Variants in THBS2 observed in about 807,000 individuals in gnomAD.
The protein encoded by THBS2 is thrombospondin 2.
THBS2 carries 47 observed loss-of-function variants against 135.2 expected under a neutral mutation model. The observed-to-expected ratio is 0.35, with a 90% CI of 0.28 to 0.44. The LOEUF (loss-of-function observed/expected upper bound fraction) is 0.44. Ranked by LOEUF, THBS2 falls within the 20% of genes least tolerant of loss-of-function variation. The probability of loss-of-function intolerance (pLI) is 1.00; values close to 1 mark genes in which losing one functional copy is unlikely to be tolerated. For missense variants in THBS2, 1,288 were observed against 1,603.1 expected (o/e 0.80, Z 3.36); for synonymous variants, 639 against 633.8 (o/e 1.01, Z -0.12).
At chr6:169,235,069 G>A (rs752448466) in intron 9 of THBS2, among the ~76,000 whole-genome samples, 162 bp from the exon 10 acceptor site, 16 of 152,160 alleles carry the variant, frequency 1.1e-4, no homozygotes, top group East Asian at 5.8e-4. Flanking sequence ...GAGCGTGATC[G>A]CACCACTACG....
At position 169,237,304 on chromosome 6, in the gene THBS2, G is replaced by A; in HGVS notation, c.1343C>T (p.Ser448Leu). 2 of 1,613,460 alleles carry A rather than the reference G, an allele frequency of 1.2e-6. No individual in the cohort carries two copies. Among genetic ancestry groups the A allele is most frequent in the African/African-American group, 1.3e-5 (1 of 75,082 alleles). Reference sequence around the variant, plus strand: ...GCCAACTCCACAGGTCACAGAGCATGAAGACCAAGGTGACCAGTGGCTCCA... The same window carrying A: ...GCCAACTCCACAGGTCACAGAGCATAAAGACCAAGGTGACCAGTGGCTCCA... ...GGWSHWSPWS[S>L]CSVTCGVGNI... Residue 448 changes from serine to leucine, a missense_variant, in exon 9 of 22, where the codon TCA becomes TTA. Around this residue, in one of 2 missense-constraint regions of THBS2, gnomAD observed 874 missense variants for 1,156.1 expected, o/e 0.76. Coordinates refer to ENST00000617924, the MANE Select transcript of THBS2 (RefSeq NM_003247.5).
Position 169,232,694 on chromosome 6 carries a change from G to T in THBS2, c.1902C>A (p.Val634=), listed in dbSNP as rs952595018. The T allele has an allele frequency of 1.2e-6, 2 of 1,611,214 alleles. No individual in the cohort carries two copies. Among genetic ancestry groups the T allele is most frequent in the Non-Finnish European group, 8.5e-7 (1 of 1,178,804 alleles). Residue 634 remains valine, a synonymous_variant, in exon 12 of 22, where the codon GTC becomes GTA. Transcript: ENST00000617924. ...PRYRGNQPVG[V]GLEAAKTEKQ... is the part of the protein sequence containing the mutation. The stretch of plus-strand genomic sequence containing the variant: ...TTTCCGTCTTGGCTGCTTCCAGGCC[G>T]ACCCCGACGGGCTGGTTCCCTCTGT...
intron 3 of THBS2, among the ~76,000 whole-genome samples, 179 bp from the exon 4 acceptor site, chr6:169,246,460 AT>A (rs1373201336): frequency 6.6e-6 from 1 of 152,172 alleles, no homozygotes; most frequent in African/African-American, 2.4e-5. Flanking sequence ...TACTTTTGAA[AT>A]TTTGTTTTTA....
rs367795482 is a variant in THBS2, at chr6:169,237,047, C to T, written c.1477+123G>A. ...CGGGATGGCAGCCCCCTTTGCTGCT[C>T]GGCTGGGGCTGGGCTGGGCTGGAAC... On this transcript the variant is annotated intron_variant, in intron 9 of 21. Coordinates refer to ENST00000617924, the MANE Select transcript of THBS2 (RefSeq NM_003247.5). 4.2e-5 allele frequency: 48 copies of T among 1,153,298 alleles called. 1 individual carries two copies. The highest frequency in any genetic ancestry group is 1.5e-4 in the East Asian group (6 of 39,156). The allele number at this position is 1,153,298 out of a possible 1,614,324, so 71.4% of individuals were successfully genotyped here.
At chr6:169,235,224 G>A (rs543350172) in intron 9 of THBS2, among the ~76,000 whole-genome samples, 8 of 151,946 alleles carry the variant, frequency 5.3e-5, no homozygotes, top group Non-Finnish European at 8.8e-5. Context: ...GTCTCGCTAT[G>A]TTGCCCAGGC....
At chr6:169,230,572 G>A (rs1212613253) in intron 13 of THBS2, among the ~76,000 whole-genome samples, 1 of 152,162 alleles carries the variant, frequency 6.6e-6, no homozygotes, top group Non-Finnish European at 1.5e-5. Context: ...ACGGGCACAG[G>A]GGTCCCTTGT....
At chr6:169,233,110 C>A in intron 10 of THBS2, 93 bp from the exon 11 acceptor site, 1 of 1,416,048 alleles carries the variant, frequency 7.1e-7, no homozygotes, top group Non-Finnish European at 9.2e-7. Context: ...TCTGGGATGT[C>A]TTTGTCATCG....
At chr6:169,249,016 A>C in intron 2 of THBS2, 43 bp from the exon 3 acceptor site, 2 of 1,551,094 alleles carry the variant, frequency 1.3e-6, no homozygotes, top group Non-Finnish European at 8.7e-7. Context: ...GTAGGGGAAG[A>C]GGGCGAGGTT....
rs149032937 is a variant in THBS2, at chr6:169,222,404, G to A, written c.3066C>T (p.Asp1022=). 282 of 1,613,736 alleles carry A rather than the reference G, an allele frequency of 1.7e-4. No homozygotes were observed. The African/African-American group carries it at 2.8e-3, about 16-fold the overall frequency. The part of the protein sequence containing the change: ...GTFYVNTDRD[D]DYAGFVFGYQ... ...AACCAAAGACGAAGCCGGCATAGTCGTCGTCCCGGTCAGTGTTTACGTAGA... is the reference window on the plus strand; with the variant it reads ...AACCAAAGACGAAGCCGGCATAGTCATCGTCCCGGTCAGTGTTTACGTAGA... The change falls in exon 19 of 22, where the codon GAC becomes GAT. Residue 1022 remains aspartate (D), a synonymous_variant. Coordinates refer to ENST00000617924, the MANE Select transcript of THBS2 (RefSeq NM_003247.5).
intron 4 of THBS2, among the ~76,000 whole-genome samples, chr6:169,245,604 A>T (rs774452315): frequency 6.6e-6 from 1 of 152,126 alleles, no homozygotes; most frequent in South Asian, 2.1e-4. Flanking sequence ...CATCTTGGCT[A>T]ACACGCTGAA....
At chr6:169,231,920 G>C in intron 13 of THBS2, 60 bp downstream of exon 13, 1 of 1,577,594 alleles carries the variant, frequency 6.3e-7, no homozygotes, top group Non-Finnish European at 8.6e-7. Context: ...TAGCGTCCCC[G>C]GCGCCAGGAG....
chr6:169,239,795 T>C, intron 6 of THBS2, 100 bp from the exon 7 acceptor site: 1 of 891,418 alleles, frequency 1.1e-6, no homozygotes, highest in East Asian at 2.6e-5. Flanking sequence ...GGCTGAATGT[T>C]TTCCATCCTA....
intron 7 of THBS2, chr6:169,239,312 C>A: frequency 4.4e-6 from 2 of 454,976 alleles, no homozygotes; most frequent in Non-Finnish European, 7.8e-6. Flanking sequence ...TCCATCGGGG[C>A]CTGCTCTGGG....
chr6:169,235,967 C>T (rs1305525336), intron 9 of THBS2, among the ~76,000 whole-genome samples: 3 of 121,336 alleles, frequency 2.5e-5, no homozygotes, highest in African/African-American at 6.5e-5. Flanking sequence ...CACTCACTCC[C>T]CCATCCACAC....
intron 5 of THBS2, among the ~76,000 whole-genome samples, 157 bp from the exon 6 acceptor site, chr6:169,240,749 C>G (rs1780260730): frequency 6.6e-6 from 1 of 152,224 alleles, no homozygotes; most frequent in African/African-American, 2.4e-5. Flanking sequence ...AAGTTGTCCT[C>G]CATCCTCACG....
chr6:169,218,791 T>TGGTGGATGA (rs1251784670), intron 21 of THBS2, among the ~76,000 whole-genome samples: 1 of 48,890 alleles, frequency 2.0e-5, no homozygotes, highest in African/African-American at 1.2e-4. Context: ...ATGAGTGGGT[T>TGGTGGATGA]GGTGGATGAG....
rs199802178 is a variant in THBS2 at position 169,241,847 on chromosome 6, G to A, written c.806C>T (p.Ser269Leu). ...GACCATGTTTCCCAGCTCCTCGCAC[G>A]AGCGTTCGCACACCTCGGGCCTCCT... ...SERRPEVCER[S>L]CEELGNMVQE... Residue 269 changes from serine (S) to leucine (L), a missense_variant, in exon 5 of 22, where the codon TCG becomes TTG. By Grantham distance (145) the Ser-to-Leu change is moderately radical. This residue lies in a region of THBS2 where 414 missense variants were observed against 447.0 expected (regional missense o/e 0.93). Coordinates refer to ENST00000617924, the MANE Select transcript of THBS2 (RefSeq NM_003247.5). This position sits in a 1 kb window ranked among gnomAD's most constrained non-coding sequence, Gnocchi z 5.5. 1.4e-4 allele frequency: 221 copies of A among 1,612,572 alleles called. 1 individual carries two copies. Among genetic ancestry groups the A allele is most frequent in the East Asian group, 1.8e-4 (8 of 44,882 alleles).
At chr6:169,236,049 ACACT>A (rs1369253412) in intron 9 of THBS2, among the ~76,000 whole-genome samples, 1 of 82,296 alleles carries the variant, frequency 1.2e-5, no homozygotes, top group Non-Finnish European at 2.3e-5. Context: ...CTCCCCATCC[ACACT>A]CACTCCCCAT....
chr6:169,233,286 T>G (rs1382731047), intron 10 of THBS2, among the ~76,000 whole-genome samples: 1 of 151,966 alleles, frequency 6.6e-6, no homozygotes, highest in Non-Finnish European at 1.5e-5. Context: ...ACACGCCACC[T>G]TCCACAACAC....
Sources: allele counts gnomAD v4.1 joint callset (sites outside exome capture counted in the v4.1 genomes callset), GRCh38; gene constraint gnomAD v4.1.1; regional missense constraint gnomAD v4.1.1; non-coding constraint Gnocchi (gnomAD v3.1); transcripts MANE v1.5; gene names NCBI Gene and HGNC (gene_info 2026-07-23, HGNC 2026-07-21).